The following VTA1 variants were observed in gnomAD, a reference collection of about 807,000 sequenced individuals.
VTA1 encodes vacuolar protein sorting-associated protein VTA1 homolog.
A neutral mutation model predicts 36.9 loss-of-function variants in VTA1; 24 were observed. The ratio of observed to expected loss-of-function variants is 0.65; its 90% CI spans 0.47 to 0.91. VTA1 has a LOEUF of 0.91. Ranked by LOEUF, VTA1 falls within the 40% of genes least tolerant of loss-of-function variation. VTA1 has a pLI of 0.00. For missense variants in VTA1, 393 were observed against 377.2 expected (o/e 1.04, Z -0.35); for synonymous variants, 142 against 130.2 (o/e 1.09, Z -0.62).
rs1237381961 is a variant in VTA1, at chr6:142,170,377, C to G, written c.367C>G (p.Leu123Val). 3 of 1,608,898 alleles carry G rather than the reference C, an allele frequency of 1.9e-6. No individual in the cohort carries two copies. The highest frequency in any genetic ancestry group is 2.5e-6 in the Non-Finnish European group (3 of 1,177,962). Residue 123 changes from leucine to valine, a missense_variant, in exon 4 of 8, where the codon CTT (leucine) becomes GTT (valine). By Grantham distance (32) the Leu-to-Val change is conservative. Transcript: ENST00000367630. ...NMIKSFYTAS[L>V]LIDVITVFGE... ...GATCAAGTCCTTCTATACTGCAAGTCTTTTGATAGATGTCATAACAGTATT... is the reference window on the plus strand; with the variant it reads ...GATCAAGTCCTTCTATACTGCAAGTGTTTTGATAGATGTCATAACAGTATT...
chr6:142,170,467 G>T (rs749656373), intron 4 of VTA1, 46 bp downstream of exon 4: 5 of 1,282,430 alleles, frequency 3.9e-6, no homozygotes, highest in Non-Finnish European at 5.4e-6. Flanking sequence ...GATCAGTAAT[G>T]TTTCTGTTTA....
chr6:142,159,938 T>C (rs1447083783), intron 1 of VTA1, among the ~76,000 whole-genome samples: 2 of 152,182 alleles, frequency 1.3e-5, no homozygotes, highest in Non-Finnish European at 2.9e-5. Flanking sequence ...CACTATCTTC[T>C]GTTTTTATTA....
intron 1 of VTA1, among the ~76,000 whole-genome samples, chr6:142,161,638 T>C (rs1774811679): frequency 6.6e-6 from 1 of 152,180 alleles, no homozygotes; most frequent in African/African-American, 2.4e-5. Flanking sequence ...AAATCAAATA[T>C]ATTTTCTTAT....
At chr6:142,157,320 T>A (rs937678550) in intron 1 of VTA1, among the ~76,000 whole-genome samples, 3 of 152,088 alleles carry the variant, frequency 2.0e-5, no homozygotes, top group African/African-American at 7.2e-5. Flanking sequence ...TAGACTAGAG[T>A]CTATAGTCTT....
chr6:142,147,538 C>G lies in VTA1; in HGVS notation c.112+139C>G, dbSNP rs533462843. ...TGACCTCGAGCCTACCCAGGGAACT[C>G]CCTGGGTTCCCACCCCCTGGCAGTA... On this transcript the variant is annotated intron_variant, in intron 1 of 7. Transcript: ENST00000367630. The G allele has an allele frequency of 1.2e-3, 925 of 803,072 alleles. 3 individuals are homozygous for G. The highest frequency in any genetic ancestry group is 1.0e-3 in the Non-Finnish European group (518 of 501,420). The allele number at this position is 803,072 out of a possible 1,614,324, so 49.7% of individuals were successfully genotyped here. A position where few individuals can be genotyped will look rare whatever the true frequency, so the allele number is the denominator to read the frequency against.
intron 4 of VTA1, among the ~76,000 whole-genome samples, chr6:142,178,859 A>G (rs879770414): frequency 3.3e-5 from 5 of 152,064 alleles, no homozygotes; most frequent in Non-Finnish European, 7.4e-5. Context: ...TCTAAGAGAT[A>G]CTGTTCAAAT....
intron 1 of VTA1, among the ~76,000 whole-genome samples, chr6:142,155,319 G>A (rs994035741): frequency 5.9e-5 from 9 of 152,116 alleles, no homozygotes; most frequent in African/African-American, 1.7e-4. Context: ...AACGTGTTCA[G>A]GAAATAACTA....
At chr6:142,175,773 G>C (rs745932077) in intron 4 of VTA1, among the ~76,000 whole-genome samples, 1 of 151,376 alleles carries the variant, frequency 6.6e-6, no homozygotes, top group Non-Finnish European at 1.5e-5. Flanking sequence ...GTCATTTCTT[G>C]ATTTTTTTTT....
At chr6:142,184,624 G>A (rs1775306216) in intron 4 of VTA1, among the ~76,000 whole-genome samples, 1 of 152,132 alleles carries the variant, frequency 6.6e-6, no homozygotes, top group South Asian at 2.1e-4. Flanking sequence ...AGACTGGGCA[G>A]AAAGGAAACC....
At chr6:142,208,674 A>G (rs1188649385) in intron 7 of VTA1, among the ~76,000 whole-genome samples, 1 of 152,216 alleles carries the variant, frequency 6.6e-6, no homozygotes, top group African/African-American at 2.4e-5. Flanking sequence ...GAAAGTCCTT[A>G]AAACACCAAG....
intron 1 of VTA1, among the ~76,000 whole-genome samples, chr6:142,159,727 A>G (rs896854649): frequency 6.6e-6 from 1 of 151,424 alleles, no homozygotes; most frequent in African/African-American, 2.4e-5. Context: ...GTTGGCCAGG[A>G]TGGTCTCGAT....
At chr6:142,175,321 G>A (rs758156161) in intron 4 of VTA1, among the ~76,000 whole-genome samples, 4 of 151,694 alleles carry the variant, frequency 2.6e-5, no homozygotes, top group East Asian at 2.0e-4. Context: ...GTCATGCTCC[G>A]TACTCTGCTT....
chr6:142,205,862 A>G (rs1425013921), intron 7 of VTA1, among the ~76,000 whole-genome samples: 1 of 152,170 alleles, frequency 6.6e-6, no homozygotes, highest in Admixed American at 6.5e-5. Flanking sequence ...TCAGTTTGGA[A>G]GCAAACAAAA....
intron 7 of VTA1, among the ~76,000 whole-genome samples, chr6:142,206,028 G>A (rs1775785354): frequency 6.6e-6 from 1 of 152,052 alleles, no homozygotes; most frequent in Non-Finnish European, 1.5e-5. Flanking sequence ...TATCAACACT[G>A]ACATTTTAAC....
At chr6:142,194,425 A>T (rs1211966884) in intron 5 of VTA1, among the ~76,000 whole-genome samples, 1 of 152,058 alleles carries the variant, frequency 6.6e-6, no homozygotes, top group Non-Finnish European at 1.5e-5. Flanking sequence ...AGTTTTCTGT[A>T]ATTTCTTTCA....
At chr6:142,209,324 G>A (rs1474768047) in intron 7 of VTA1, among the ~76,000 whole-genome samples, 5 of 151,576 alleles carry the variant, frequency 3.3e-5, no homozygotes, top group Admixed American at 3.3e-4. Context: ...CCTGGGAACC[G>A]ATCTAACTAA....
chr6:142,174,206 GAGC>G (rs1474925922), intron 4 of VTA1, among the ~76,000 whole-genome samples: 1 of 152,158 alleles, frequency 6.6e-6, no homozygotes, highest in African/African-American at 2.4e-5. Context: ...CAACCTGTGG[GAGC>G]AGCCACAGGG....
chr6:142,194,323 A>T (rs1028793358), intron 5 of VTA1, among the ~76,000 whole-genome samples: 1 of 152,178 alleles, frequency 6.6e-6, no homozygotes, highest in African/African-American at 2.4e-5. Flanking sequence ...TTTTTTAGAA[A>T]AAATGCCTAC....
chr6:142,200,632 T>C (rs1327400937), intron 6 of VTA1, among the ~76,000 whole-genome samples: 1 of 152,024 alleles, frequency 6.6e-6, no homozygotes, highest in Non-Finnish European at 1.5e-5. Context: ...GATAGTCTTA[T>C]ATGTTCAAAC....
Sources: gnomAD v4.1 joint callset for allele counts (sites outside exome capture counted in the v4.1 genomes callset) on GRCh38, gnomAD v4.1.1 for gene constraint, MANE v1.5 for transcripts, NCBI Gene and HGNC (gene_info 2026-07-23, HGNC 2026-07-21) for gene names.